The following TBC1D2 variants were observed in gnomAD, a reference collection of about 807,000 sequenced individuals.
TBC1D2 encodes TBC1 domain family member 2.
Under a neutral mutation model 91.1 loss-of-function variants are expected in TBC1D2, and 58 were observed. That is an observed-to-expected ratio of 0.64 (90% CI 0.52 to 0.79). The LOEUF is 0.79. Ranked by LOEUF, TBC1D2 falls within the 30% of genes least tolerant of loss-of-function variation. The probability of loss-of-function intolerance (pLI) is 0.00; values close to 1 mark genes in which losing one functional copy is unlikely to be tolerated. For missense variants in TBC1D2, 1,080 were observed against 1,208.3 expected, an observed-to-expected ratio of 0.89 and a Z score of 1.57; for synonymous variants, 482 against 511.5, an observed-to-expected ratio of 0.94 and a Z score of 0.78.
At chr9:98,237,909 CTT>C (rs200976335) in intron 3 of TBC1D2, among the ~76,000 whole-genome samples, 12 of 124,140 alleles carry the variant, frequency 9.7e-5, no homozygotes, top group African/African-American at 2.1e-4. Flanking sequence ...TCTTTTTTTT[CTT>C]TTTTTTTTTT....
intron 7 of TBC1D2, among the ~76,000 whole-genome samples, chr9:98,212,357 CT>C (rs1196462339): frequency 6.6e-6 from 1 of 152,144 alleles, no homozygotes; most frequent in African/African-American, 2.4e-5. Flanking sequence ...TATGCTGTCT[CT>C]TTTCCTGGAA....
At chr9:98,201,750 C>A in intron 10 of TBC1D2, 86 bp from the exon 11 acceptor site, 1 of 1,370,862 alleles carries the variant, frequency 7.3e-7, no homozygotes, top group Non-Finnish European at 9.9e-7. Context: ...CCAGTCAGTC[C>A]ACACACAATC....
At chr9:98,243,159 A>T (rs1829687815) in intron 3 of TBC1D2, among the ~76,000 whole-genome samples, 1 of 151,916 alleles carries the variant, frequency 6.6e-6, no homozygotes, top group Non-Finnish European at 1.5e-5. Flanking sequence ...ATTATTAAAT[A>T]ACAAAGTAGT....
chr9:98,206,568 A>C (rs553360299), intron 9 of TBC1D2, among the ~76,000 whole-genome samples: 1 of 152,298 alleles, frequency 6.6e-6, no homozygotes, highest in African/African-American at 2.4e-5. Context: ...CGAGAAGGTT[A>C]CATCCACATA....
chr9:98,202,187 G>A (rs531701957), intron 10 of TBC1D2, among the ~76,000 whole-genome samples: 14 of 152,312 alleles, frequency 9.2e-5, no homozygotes, highest in Non-Finnish European at 1.8e-4. Context: ...GTCCTGCCTC[G>A]CCGGACATCA....
intron 2 of TBC1D2, among the ~76,000 whole-genome samples, chr9:98,245,499 G>A (rs759242804): frequency 1.3e-5 from 2 of 152,064 alleles, no homozygotes; most frequent in African/African-American, 4.8e-5. Flanking sequence ...CCCAGGAGGT[G>A]GAGGTTGCAG....
chr9:98,233,779 G>A (rs962807221), intron 3 of TBC1D2, among the ~76,000 whole-genome samples: 1 of 152,166 alleles, frequency 6.6e-6, no homozygotes, highest in African/African-American at 2.4e-5. Context: ...TGGCTTATAA[G>A]TAATACAAGC....
At chr9:98,220,124 CT>C (rs1391671964) in intron 6 of TBC1D2, among the ~76,000 whole-genome samples, 1 of 152,234 alleles carries the variant, frequency 6.6e-6, no homozygotes, top group African/African-American at 2.4e-5. Context: ...GTGGCAGCAG[CT>C]AGAAGCGGCA....
chr9:98,240,250 T>G (rs1247359938), intron 3 of TBC1D2, among the ~76,000 whole-genome samples: 1 of 151,952 alleles, frequency 6.6e-6, no homozygotes, highest in South Asian at 2.1e-4. Context: ...TCATGGATAG[T>G]ACAGCTGAGT....
intron 11 of TBC1D2, 39 bp from the exon 12 acceptor site, chr9:98,200,413 G>GCC: frequency 3.3e-6 from 5 of 1,500,656 alleles, no homozygotes; most frequent in East Asian, 2.6e-5. Context: ...GCATGGGGGG[G>GCC]CCAGGCAGGT....
At chr9:98,244,280 A>G in intron 2 of TBC1D2, 151 bp from the exon 3 acceptor site, 1 of 997,284 alleles carries the variant, frequency 1.0e-6, no homozygotes, top group Non-Finnish European at 1.5e-6. Flanking sequence ...GGTTAACAGC[A>G]GCAAAATAGG....
At position 98,199,198 on chromosome 9, in the gene TBC1D2, C is replaced by T. The variant is rs1588022341; in HGVS notation, c.*183G>A. On this transcript the variant is annotated 3_prime_UTR_variant, in exon 13 of 13. Transcript: ENST00000465784. ...AGTAAGTGCCTATGAAGAAGTAGCCCAACCAATGGCTTTGCAGCACACAAT... is the reference window on the plus strand; with the variant it reads ...AGTAAGTGCCTATGAAGAAGTAGCCTAACCAATGGCTTTGCAGCACACAAT... 1 of 692,358 alleles carries T rather than the reference C, an allele frequency of 1.4e-6. No homozygotes were observed. Among genetic ancestry groups the T allele is most frequent in the Non-Finnish European group, 2.4e-6 (1 of 413,382 alleles). 42.9% of individuals were successfully genotyped at this position (692,358 alleles called of 1,614,324 possible).
At chr9:98,238,836 C>T (rs1361230859) in intron 3 of TBC1D2, among the ~76,000 whole-genome samples, 6 of 145,506 alleles carry the variant, frequency 4.1e-5, no homozygotes, top group Non-Finnish European at 7.4e-5. Context: ...AATTCTCCTG[C>T]CTCAGCCTCC....
chr9:98,254,167 G>A (rs1829926923), intron 1 of TBC1D2, among the ~76,000 whole-genome samples: 1 of 152,150 alleles, frequency 6.6e-6, no homozygotes, highest in Non-Finnish European at 1.5e-5. Flanking sequence ...GGGTTGGAGG[G>A]GTGGACAGAT....
chr9:98,210,234 G>A (rs983167027), intron 8 of TBC1D2, among the ~76,000 whole-genome samples: 7 of 152,154 alleles, frequency 4.6e-5, no homozygotes, highest in Non-Finnish European at 8.8e-5. Flanking sequence ...CCTGCCACTG[G>A]ACTACTCAGC....
intron 2 of TBC1D2, among the ~76,000 whole-genome samples, chr9:98,248,196 A>G (rs763175025): frequency 3.2e-4 from 48 of 152,248 alleles, no homozygotes; most frequent in Non-Finnish European, 5.4e-4. Flanking sequence ...CAAGCAGATC[A>G]TCTAAGACAG....
In TBC1D2 at chr9:98,209,703, C is replaced by A. The variant is rs80142263; in HGVS notation, c.1674-559G>T. Reference sequence around the variant, plus strand: ...TGATCCTGCAAAGCAGGTGTGTTTGCCTAAATCTTTTTTTTTTCCTTCCTT... The same window carrying A: ...TGATCCTGCAAAGCAGGTGTGTTTGACTAAATCTTTTTTTTTTCCTTCCTT... On this transcript the variant is annotated intron_variant, in intron 8 of 12. Transcript: ENST00000465784. Among the ~76,000 whole-genome samples, 1,299 of 149,736 alleles carry A rather than the reference C, an allele frequency of 8.7e-3. 20 individuals are homozygous for A. Among genetic ancestry groups the A allele is most frequent in the African/African-American group, 0.031 (1,240 of 40,322 alleles).
chr9:98,201,049 A>C (rs966168830), intron 11 of TBC1D2, among the ~76,000 whole-genome samples: 3 of 151,664 alleles, frequency 2.0e-5, no homozygotes, highest in African/African-American at 7.3e-5. Context: ...GAAATGAGAA[A>C]TCTGTGGGTG....
intron 5 of TBC1D2, among the ~76,000 whole-genome samples, chr9:98,222,118 G>C (rs1164783654): frequency 2.0e-5 from 3 of 152,214 alleles, no homozygotes; most frequent in African/African-American, 7.2e-5. Context: ...GCAGAGAGTA[G>C]AATGGAATTC....
Sources: allele counts gnomAD v4.1 joint callset (sites outside exome capture counted in the v4.1 genomes callset), GRCh38; gene constraint gnomAD v4.1.1; transcripts MANE v1.5; gene names NCBI Gene and HGNC (gene_info 2026-07-23, HGNC 2026-07-21).